Variants in ATG14 observed in about 807,000 individuals in gnomAD.
The protein encoded by ATG14 is autophagy related 14.
In ATG14, 35 loss-of-function variants were observed where a neutral mutation model predicts 60.4. The observed-to-expected ratio is 0.58, with a 90% confidence interval of 0.44 to 0.77. The LOEUF is 0.77. ATG14 is among the 30% of genes least tolerant of loss of function. The pLI, the probability that ATG14 is intolerant of heterozygous loss-of-function variation, is 0.00. For synonymous variants in ATG14, 234 were observed against 228.8 expected (o/e 1.02, Z -0.21); for missense variants, 647 against 626.3 (o/e 1.03, Z -0.35).
chr14:55,393,113 G>A (rs1885247163), intron 3 of ATG14, among the ~76,000 whole-genome samples: 1 of 152,174 alleles, frequency 6.6e-6, no homozygotes, highest in South Asian at 2.1e-4. Context: ...TGGGCGCGGT[G>A]GCTCACGCCT....
At chr14:55,391,115 G>A (rs1885208148) in intron 3 of ATG14, 123 bp from the exon 4 acceptor site, 2 of 633,366 alleles carry the variant, frequency 3.2e-6, no homozygotes, top group East Asian at 6.1e-5. Context: ...AAGACCTTAT[G>A]TTATAGCTTT....
At chr14:55,409,415 G>A (rs1002968101) in intron 1 of ATG14, among the ~76,000 whole-genome samples, 2 of 152,174 alleles carry the variant, frequency 1.3e-5, no homozygotes, top group East Asian at 3.8e-4. Flanking sequence ...TCACTGGGGT[G>A]GGGGCAGTTA....
At position 55,410,105 on chromosome 14, in the gene ATG14, C is replaced by T. The variant is rs534288518; in HGVS notation, c.221+1497G>A. Among the ~76,000 whole-genome samples the T allele has an allele frequency of 2.4e-4, 36 of 152,190 alleles. No individual in the cohort carries two copies. The South Asian group carries it at 7.5e-3, about 32-fold the overall frequency. On this transcript the variant is annotated intron_variant, in intron 1 of 9. Transcript: ENST00000247178. ...GGTTTTTTAGCCTGAACCAAAGGAA[C>T]AATGAGATTGACATTTACTGGGTTG...
At chr14:55,382,226 GAGAGGGTT>G (rs1885048508) in intron 5 of ATG14, 35 bp from the exon 6 acceptor site, 1 of 1,603,278 alleles carries the variant, frequency 6.2e-7, no homozygotes, top group Admixed American at 1.7e-5. Context: ...ATTTTCAAGA[GAGAGGGTT>G]TTTAAGGGCA....
At chr14:55,395,852 T>A in intron 3 of ATG14, 88 bp downstream of exon 3, 4 of 1,022,524 alleles carry the variant, frequency 3.9e-6, no homozygotes, top group Non-Finnish European at 5.4e-6. Flanking sequence ...ATACGATTTT[T>A]AAAAATTTTA....
intron 9 of ATG14, among the ~76,000 whole-genome samples, chr14:55,373,643 A>G (rs1884864392): frequency 6.6e-6 from 1 of 152,052 alleles, no homozygotes; most frequent in Admixed American, 6.6e-5. Context: ...TACTTTTAGT[A>G]GAGATGCAGT....
intron 4 of ATG14, among the ~76,000 whole-genome samples, chr14:55,389,740 G>T (rs574578149): frequency 1.1e-4 from 16 of 152,300 alleles, no homozygotes; most frequent in Admixed American, 2.6e-4. Context: ...TGCTCTTGGA[G>T]TTATTTCTAA....
intron 4 of ATG14, among the ~76,000 whole-genome samples, chr14:55,388,395 CAG>C (rs1885160320): frequency 6.6e-6 from 1 of 152,164 alleles, no homozygotes; most frequent in Non-Finnish European, 1.5e-5. Context: ...GCACCCAGTG[CAG>C]ACTCAGCAGG....
Position 55,366,440 on chromosome 14 carries a change from T to G in ATG14, c.*3179A>C, listed in dbSNP as rs968116672. On this transcript the variant is annotated 3_prime_UTR_variant, in exon 10 of 10. Coordinates refer to ENST00000247178, the MANE Select transcript of ATG14 (RefSeq NM_014924.5). ...AATACAATAAAAGTTTAGAAAACATTTGTATGACTCAAACTGGTTTGGAAG... is the reference window on the plus strand; with the variant it reads ...AATACAATAAAAGTTTAGAAAACATGTGTATGACTCAAACTGGTTTGGAAG... 1 of 152,616 alleles carries G rather than the reference T, an allele frequency of 6.6e-6. No individual in the cohort carries two copies. Among genetic ancestry groups the G allele is most frequent in the East Asian group, 1.9e-4 (1 of 5,190 alleles). 9.5% of individuals were successfully genotyped at this position (152,616 alleles called of 1,614,324 possible).
At chr14:55,383,376 T>C (rs1885067914) in intron 5 of ATG14, among the ~76,000 whole-genome samples, 1 of 151,608 alleles carries the variant, frequency 6.6e-6, no homozygotes, top group Non-Finnish European at 1.5e-5. Flanking sequence ...CATGGTGAAA[T>C]GCCATCGCTA....
intron 4 of ATG14, among the ~76,000 whole-genome samples, chr14:55,386,595 A>C (rs1010567150): frequency 6.6e-6 from 1 of 152,226 alleles, no homozygotes; most frequent in Non-Finnish European, 1.5e-5. Context: ...AGCTCTGAAA[A>C]GTCACAGTGG....
intron 9 of ATG14, among the ~76,000 whole-genome samples, chr14:55,371,216 A>C (rs951710033): frequency 4.6e-5 from 7 of 152,210 alleles, no homozygotes; most frequent in African/African-American, 1.7e-4. Flanking sequence ...CAGAAATGAG[A>C]GCCTAGAATC....
intron 7 of ATG14, among the ~76,000 whole-genome samples, chr14:55,379,848 A>G (rs902034612): frequency 3.3e-5 from 5 of 152,200 alleles, no homozygotes; most frequent in Admixed American, 6.5e-5. Context: ...TCAGCCTCCA[A>G]ATAGCTGGGA....
At chr14:55,382,810 C>T (rs552476134) in intron 5 of ATG14, among the ~76,000 whole-genome samples, 5 of 152,208 alleles carry the variant, frequency 3.3e-5, no homozygotes, top group African/African-American at 1.2e-4. Flanking sequence ...CACCTCTCTA[C>T]GTGTTTAAAA....
At chr14:55,390,374 T>A (rs572541716) in intron 4 of ATG14, among the ~76,000 whole-genome samples, 2 of 149,890 alleles carry the variant, frequency 1.3e-5, no homozygotes, top group East Asian at 4.0e-4. Flanking sequence ...CCTGGCCAAC[T>A]TTTTTATTTT....
chr14:55,394,081 A>G (rs1230342555), intron 3 of ATG14, among the ~76,000 whole-genome samples: 2 of 147,808 alleles, frequency 1.4e-5, no homozygotes, highest in Non-Finnish European at 3.0e-5. Flanking sequence ...ATCTCGGCTC[A>G]CTGTGATCTC....
chr14:55,400,932 A>T (rs1440412148), intron 1 of ATG14, among the ~76,000 whole-genome samples: 1 of 151,288 alleles, frequency 6.6e-6, no homozygotes, highest in Non-Finnish European at 1.5e-5. Context: ...ATAAAATAAA[A>T]TAAAATAAAA....
chr14:55,406,964 C>CTTTTTTTTTTTTTTTTTT (rs202011572), intron 1 of ATG14, among the ~76,000 whole-genome samples: 1 of 141,456 alleles, frequency 7.1e-6, no homozygotes. Context: ...TTGAGATTGT[C>CTTTTTTTTTTTTTTTTTT]TTTTTTTTTT....
chr14:55,407,793 G>A (rs1392437579), intron 1 of ATG14, among the ~76,000 whole-genome samples: 6 of 152,148 alleles, frequency 3.9e-5, no homozygotes, highest in African/African-American at 1.4e-4. Flanking sequence ...TAATGAATAG[G>A]GGAAAAGATG....
Sources: allele counts gnomAD v4.1 joint callset (sites outside exome capture counted in the v4.1 genomes callset), GRCh38; gene constraint gnomAD v4.1.1; transcripts MANE v1.5; gene names NCBI Gene and HGNC (gene_info 2026-07-23, HGNC 2026-07-21).